GRK5: variants seen among roughly 807,000 people sequenced by gnomAD.
GRK5 encodes g protein-coupled receptor kinase GRK5.
GRK5 carries 40 observed loss-of-function variants against 78.4 expected under a neutral mutation model. The ratio of observed to expected loss-of-function variants is 0.51; its 90% CI spans 0.40 to 0.66. The LOEUF is 0.66. GRK5 is among the 30% of genes least tolerant of loss of function. GRK5 has a pLI of 0.00. For synonymous variants in GRK5, 289 were observed against 296.8 expected, an observed-to-expected ratio of 0.97 and a Z score of 0.27; for missense variants, 598 against 759.9, an observed-to-expected ratio of 0.79 and a Z score of 2.50.
At chr10:119,401,763 G>A (rs1184267114) in intron 4 of GRK5, among the ~76,000 whole-genome samples, 1 of 152,186 alleles carries the variant, frequency 6.6e-6, no homozygotes, top group Non-Finnish European at 1.5e-5. Context: ...ATGTCGAACT[G>A]CCAGCTGTGG....
intron 1 of GRK5, among the ~76,000 whole-genome samples, chr10:119,312,353 C>T (rs1850373380): frequency 6.6e-6 from 1 of 152,150 alleles, no homozygotes; most frequent in African/African-American, 2.4e-5. Context: ...AACCTGTTAA[C>T]CCAAGGCTGT....
intron 1 of GRK5, among the ~76,000 whole-genome samples, chr10:119,259,733 G>C (rs1849342361): frequency 6.6e-6 from 1 of 152,190 alleles, no homozygotes; most frequent in Non-Finnish European, 1.5e-5. Context: ...TGTGGCCATT[G>C]AGTGCTTGAA....
chr10:119,421,071 G>C (rs11198916), intron 4 of GRK5, among the ~76,000 whole-genome samples: 11,725 of 152,210 alleles, frequency 0.077, 671 homozygotes, highest in East Asian at 0.23. Context: ...TCTCTATCTG[G>C]TCCTTGCTGA....
intron 1 of GRK5, among the ~76,000 whole-genome samples, chr10:119,277,443 C>T (rs1282766563): frequency 6.6e-6 from 1 of 151,366 alleles, no homozygotes; most frequent in Non-Finnish European, 1.5e-5. Context: ...TGTACCTGCT[C>T]CAGGGTGCCA....
chr10:119,313,294 T>C (rs1274171436), intron 1 of GRK5, among the ~76,000 whole-genome samples: 1 of 150,118 alleles, frequency 6.7e-6, no homozygotes, highest in Non-Finnish European at 1.5e-5. Context: ...ATGGTGGTAA[T>C]GGTGGTGGTG....
chr10:119,408,470 T>C (rs1852281981), intron 4 of GRK5, among the ~76,000 whole-genome samples: 1 of 151,626 alleles, frequency 6.6e-6, no homozygotes, highest in Non-Finnish European at 1.5e-5. Context: ...AACGGATGAA[T>C]GGATAAGCAA....
Position 119,451,583 on chromosome 10 carries a change from G to A in GRK5, c.1405-1088G>A, listed in dbSNP as rs939110801. Among the ~76,000 whole-genome samples, 7 of 152,208 alleles carry A rather than the reference G, an allele frequency of 4.6e-5. 1 individual carries two copies. Among genetic ancestry groups the A allele is most frequent in the Admixed American group, 3.9e-4 (6 of 15,288 alleles). ...CAGCTAAAAGTCCGCTGAGTTCCAC[G>A]GTGGCGTGCACCCCGGGCTTTGGGA... On this transcript the variant is annotated intron_variant, in intron 13 of 15. Coordinates refer to ENST00000392870, the MANE Select transcript of GRK5 (RefSeq NM_005308.3).
At chr10:119,441,351 C>T (rs1412220894) in intron 10 of GRK5, among the ~76,000 whole-genome samples, 1 of 152,178 alleles carries the variant, frequency 6.6e-6, no homozygotes, top group Non-Finnish European at 1.5e-5. Context: ...GGACGTGTTC[C>T]TTCCTGTGGG....
At chr10:119,243,174 T>C (rs1158820529) in intron 1 of GRK5, among the ~76,000 whole-genome samples, 1 of 152,138 alleles carries the variant, frequency 6.6e-6, no homozygotes, top group East Asian at 1.9e-4. Flanking sequence ...GAGGTGGAAG[T>C]TGCAGTGAGC....
chr10:119,269,121 CTGTT>C (rs1299203394), intron 1 of GRK5, among the ~76,000 whole-genome samples: 4 of 152,260 alleles, frequency 2.6e-5, no homozygotes, highest in African/African-American at 7.2e-5. Flanking sequence ...AGGCAGCTTT[CTGTT>C]TGTTCTCTAA....
chr10:119,377,017 G>A (rs1316934174), intron 2 of GRK5, among the ~76,000 whole-genome samples: 2 of 152,164 alleles, frequency 1.3e-5, no homozygotes, highest in African/African-American at 2.4e-5. Context: ...TGTGGACAGT[G>A]TGTGTGTGCC....
intron 1 of GRK5, among the ~76,000 whole-genome samples, 188 bp downstream of exon 1, chr10:119,208,157 T>G (rs1342063378): frequency 6.6e-6 from 1 of 152,242 alleles, no homozygotes; most frequent in Non-Finnish European, 1.5e-5. Flanking sequence ...TCAGAGAATC[T>G]GGACTTGGGC....
Position 119,452,363 on chromosome 10 carries a change from G to A in GRK5, c.1405-308G>A, listed in dbSNP as rs1853304127. The A allele has an allele frequency of 2.8e-6, 1 of 357,120 alleles. No individual in the cohort carries two copies. The highest frequency in any genetic ancestry group is 5.2e-6 in the Non-Finnish European group (1 of 191,936). 22.1% of individuals were successfully genotyped at this position (357,120 alleles called of 1,614,324 possible). On this transcript the variant is annotated intron_variant, in intron 13 of 15. Coordinates refer to ENST00000392870, the MANE Select transcript of GRK5 (RefSeq NM_005308.3). The surrounding 1 kb of genome is among the most constrained non-coding windows in gnomAD (Gnocchi z 4.4). ...GGGCACCCAGGTGCCCCGAGCTCCTGTGTCACCCCAGCCAGGGTCCCCGTC... is the reference window on the plus strand; with the variant it reads ...GGGCACCCAGGTGCCCCGAGCTCCTATGTCACCCCAGCCAGGGTCCCCGTC...
chr10:119,415,366 A>G (rs1852429347), intron 4 of GRK5, among the ~76,000 whole-genome samples: 1 of 152,160 alleles, frequency 6.6e-6, no homozygotes. Flanking sequence ...GGGCCAGAGC[A>G]CTGGAGAGCA....
chr10:119,351,717 T>A (rs775143694), intron 2 of GRK5, among the ~76,000 whole-genome samples: 42 of 152,244 alleles, frequency 2.8e-4, no homozygotes, highest in Middle Eastern at 6.8e-3. Flanking sequence ...AAAAATAAGT[T>A]CAGGTGTATT....
chr10:119,266,155 T>G (rs1849492625), intron 1 of GRK5, among the ~76,000 whole-genome samples: 1 of 152,132 alleles, frequency 6.6e-6, no homozygotes, highest in Non-Finnish European at 1.5e-5. Context: ...CTTTACCTAT[T>G]TTAGGAACGA....
At chr10:119,333,431 A>T (rs1307022255) in intron 2 of GRK5, 3 of 209,724 alleles carry the variant, frequency 1.4e-5, no homozygotes, top group Non-Finnish European at 2.9e-5. Flanking sequence ...TCATGATCAC[A>T]GTGATGTCAG....
At chr10:119,303,384 G>A (rs1850217444) in intron 1 of GRK5, among the ~76,000 whole-genome samples, 1 of 152,128 alleles carries the variant, frequency 6.6e-6, no homozygotes, top group African/African-American at 2.4e-5. Flanking sequence ...AAGTGTGGGT[G>A]TGTGGAGGTC....
At position 119,253,963 on chromosome 10, in the gene GRK5, G is replaced by A. The variant is rs2133757016; in HGVS notation, c.52+45994G>A. Among the ~76,000 whole-genome samples the A allele has an allele frequency of 6.6e-6, 1 of 152,276 alleles. No homozygotes were observed. Among genetic ancestry groups the A allele is most frequent in the African/African-American group, 2.4e-5 (1 of 41,560 alleles). ...CTTTTTGAGATTCCCCAGGGGAAAA[G>A]GAGAAAGTACAGAAAGCCGTGACAC... On this transcript the variant is annotated intron_variant, in intron 1 of 15. Transcript: ENST00000392870. This position sits in a 1 kb window ranked among gnomAD's most constrained non-coding sequence, Gnocchi z 5.7.
Sources: gnomAD v4.1 joint callset for allele counts (sites outside exome capture counted in the v4.1 genomes callset) on GRCh38, gnomAD v4.1.1 for gene constraint, Gnocchi (gnomAD v3.1) non-coding constraint, MANE v1.5 for transcripts, NCBI Gene and HGNC (gene_info 2026-07-23, HGNC 2026-07-21) for gene names.